The following PTGS2 variants were observed in gnomAD, a reference collection of about 807,000 sequenced individuals.
PTGS2 encodes prostaglandin G/H synthase 2.
PTGS2 carries 14 observed loss-of-function variants against 63.8 expected under a neutral mutation model. The ratio of observed to expected loss-of-function variants is 0.22; its 90% CI spans 0.14 to 0.34. The LOEUF (loss-of-function observed/expected upper bound fraction) is 0.34, where lower values mean the gene tolerates loss of function less well. PTGS2 is among the 10% of genes least tolerant of loss of function. The pLI is 1.00. For synonymous variants in PTGS2, 271 were observed against 259.5 expected (o/e 1.04, Z -0.43); for missense variants, 533 against 738.5 (o/e 0.72, Z 3.23).
At chr1:186,676,205 A>T in intron 7 of PTGS2, 21 bp from the exon 8 acceptor site, 7 of 1,561,464 alleles carry the variant, frequency 4.5e-6, no homozygotes, top group Non-Finnish European at 4.3e-6. Flanking sequence ...AAAATAAATA[A>T]TAAAAACATT....
In PTGS2 at chr1:186,672,872, G is replaced by A. The variant is rs1665713402; in HGVS notation, c.*1481C>T. Reference sequence around the variant, plus strand: ...TCTCTGCTTTTCACTTAAAATAAGTGTATACTATTTTTAAAAGGGCCTTTT... The same window carrying A: ...TCTCTGCTTTTCACTTAAAATAAGTATATACTATTTTTAAAAGGGCCTTTT... On this transcript the variant is annotated 3_prime_UTR_variant, in exon 10 of 10. Coordinates refer to ENST00000367468, the MANE Select transcript of PTGS2 (RefSeq NM_000963.4). The A allele has an allele frequency of 6.6e-6, 1 of 152,054 alleles. No homozygotes were observed. Among genetic ancestry groups the A allele is most frequent in the Non-Finnish European group, 1.5e-5 (1 of 67,970 alleles). The allele number at this position is 152,054 out of a possible 1,614,324, so 9.4% of individuals were successfully genotyped here.
Position 186,672,354 on chromosome 1 carries a change from A to G in PTGS2, c.*1999T>C, listed in dbSNP as rs935728324. On this transcript the variant is annotated 3_prime_UTR_variant, in exon 10 of 10. Coordinates refer to ENST00000367468, the MANE Select transcript of PTGS2 (RefSeq NM_000963.4). ...GACAATATTCTTTGTGGGCTAGCAC[A>G]TAGGCCTATCCTAAGGACAAACATT... 2.0e-5 allele frequency: 3 copies of G among 152,162 alleles called. No homozygotes were observed. Among genetic ancestry groups the G allele is most frequent in the Non-Finnish European group, 4.4e-5 (3 of 67,972 alleles). 9.4% of individuals were successfully genotyped at this position (152,162 alleles called of 1,614,324 possible).
intron 5 of PTGS2, 82 bp downstream of exon 5, chr1:186,677,567 A>C (rs1665802685): frequency 7.7e-7 from 1 of 1,293,120 alleles, no homozygotes; most frequent in Non-Finnish European, 1.0e-6. Context: ...GGATCTATCT[A>C]TCTGTATATC....
chr1:186,676,470 T>A lies in PTGS2; in HGVS notation c.967A>T (p.Ile323Leu), dbSNP rs781689400. The A allele has an allele frequency of 6.2e-7, 1 of 1,612,784 alleles. No homozygotes were observed. Among genetic ancestry groups the A allele is most frequent in the South Asian group, 1.1e-5 (1 of 90,876 alleles). Residue 323 changes from isoleucine to leucine, a missense_variant, in exon 7 of 10, where the codon ATA (isoleucine) becomes TTA (leucine). Coordinates refer to ENST00000367468, the MANE Select transcript of PTGS2 (RefSeq NM_000963.4). ...QLFQTSRLIL[I>L]GETIKIVIED... Reference sequence around the variant, plus strand: ...TATAAATCATTTTCTTGTTTACCTATCAGTATTAGCCTGCTTGTCTGGAAC... The same window carrying A: ...TATAAATCATTTTCTTGTTTACCTAACAGTATTAGCCTGCTTGTCTGGAAC...
intron 1 of PTGS2, 24 bp downstream of exon 1, chr1:186,680,215 C>A (rs200797850): frequency 5.8e-6 from 9 of 1,549,478 alleles, no homozygotes; most frequent in Non-Finnish European, 7.8e-6. Context: ...CCGGAGTCCC[C>A]GGTGCGCGGC....
chr1:186,678,442 C>T (rs1665820192), intron 3 of PTGS2, 38 bp from the exon 4 acceptor site: 3 of 1,524,928 alleles, frequency 2.0e-6, no homozygotes, highest in African/African-American at 1.4e-5. Flanking sequence ...TATTTATTCT[C>T]ATTTGTTAAG....
chr1:186,675,662 AC>A lies in PTGS2; in HGVS notation c.1257+235del, dbSNP rs4648277. On this transcript the variant is annotated intron_variant, in intron 8 of 9. Transcript: ENST00000367468. Reference sequence around the variant, plus strand: ...TATTTATTCCTATAAGATTATAGATACTTTTTGAAAATATTTTTAAGGTAGG... The same window carrying A: ...TATTTATTCCTATAAGATTATAGATATTTTTGAAAATATTTTTAAGGTAGG... 379 of 609,794 alleles carry A rather than the reference AC, an allele frequency of 6.2e-4. 4 individuals carry two copies. The East Asian group carries it at 0.011, about 17-fold the overall frequency. The allele number at this position is 609,794 out of a possible 1,614,324, so 37.8% of individuals were successfully genotyped here.
chr1:186,676,788 G>T (rs1455447021), intron 6 of PTGS2, 45 bp downstream of exon 6: 1 of 1,600,486 alleles, frequency 6.2e-7, no homozygotes, highest in Middle Eastern at 1.8e-4. Flanking sequence ...TAAAATATGG[G>T]TATAAGCGGT....
In PTGS2 at chr1:186,676,673, G is replaced by A. The variant is rs1379502755; in HGVS notation, c.764C>T (p.Thr255Ile). ...GEMYPPTVKD[T>I]QAEMIYPPQV... Reference sequence around the variant, plus strand: ...AGGAGGGTAGATCATCTCTGCCTGAGTATCTTTGACTGTGGGAGGATACAT... The same window carrying A: ...AGGAGGGTAGATCATCTCTGCCTGAATATCTTTGACTGTGGGAGGATACAT... Residue 255 changes from threonine to isoleucine, a missense_variant, in exon 7 of 10, where the codon ACT becomes ATT. Physicochemically the swap from Thr to Ile is moderately conservative, Grantham distance 89. Coordinates refer to ENST00000367468, the MANE Select transcript of PTGS2 (RefSeq NM_000963.4). The A allele has an allele frequency of 1.2e-6, 2 of 1,613,922 alleles. No individual in the cohort carries two copies. Among genetic ancestry groups the A allele is most frequent in the East Asian group, 2.2e-5 (1 of 44,876 alleles).
intron 5 of PTGS2, among the ~76,000 whole-genome samples, chr1:186,677,279 G>A (rs891858738): frequency 1.3e-5 from 2 of 152,072 alleles, no homozygotes; most frequent in African/African-American, 2.4e-5. Context: ...TAATAATGCG[G>A]CAAAAACCTC....
chr1:186,678,453 T>A (rs201084591), intron 3 of PTGS2, 49 bp from the exon 4 acceptor site: 1 of 1,481,468 alleles, frequency 6.8e-7, no homozygotes, highest in Non-Finnish European at 9.1e-7. Context: ...ATTTGTTAAG[T>A]AAATCAACCA....
intron 4 of PTGS2, 73 bp from the exon 5 acceptor site, chr1:186,677,903 C>T: frequency 7.2e-7 from 1 of 1,391,682 alleles, no homozygotes. Context: ...GTCAATCTAC[C>T]AAGAATTCTT....
intron 1 of PTGS2, among the ~76,000 whole-genome samples, chr1:186,679,985 A>C (rs1665848199): frequency 2.0e-5 from 3 of 152,238 alleles, no homozygotes; most frequent in Non-Finnish European, 4.4e-5. Context: ...AATTAGTATC[A>C]TCTATCCCTA....
In PTGS2 at chr1:186,679,128, G is replaced by T. The variant is rs1229416920; in HGVS notation, c.243C>A (p.Phe81Leu). Residue 81 changes from phenylalanine to leucine, a missense_variant, in exon 3 of 10, where the codon TTC becomes TTA. Transcript: ENST00000367468. ...TATTCACAACGTTCCAAAATCCCTT[G>T]AAGTGGGTAAGTATGTAGTGCACTG... ...PNTVHYILTH[F>L]KGFWNVVNNI... is the part of the protein sequence containing the mutation. 1 of 1,614,148 alleles carries T rather than the reference G, an allele frequency of 6.2e-7. No individual in the cohort carries two copies. Among genetic ancestry groups the T allele is most frequent in the Non-Finnish European group, 8.5e-7 (1 of 1,180,012 alleles).
chr1:186,675,823 A>G, intron 8 of PTGS2, 75 bp downstream of exon 8: 1 of 1,405,436 alleles, frequency 7.1e-7, no homozygotes, highest in South Asian at 1.4e-5. Context: ...TAAGTTTAAG[A>G]AAAATAATTT....
chr1:186,675,486 C>A, intron 8 of PTGS2, 90 bp from the exon 9 acceptor site: 1 of 1,423,744 alleles, frequency 7.0e-7, no homozygotes, highest in South Asian at 1.3e-5. Flanking sequence ...TCAGGTAAAA[C>A]TGAAACTCCC....
chr1:186,674,507 A>G lies in PTGS2; in HGVS notation c.1661T>C (p.Ile554Thr). 8 of 1,614,216 alleles carry G rather than the reference A, an allele frequency of 5.0e-6. No homozygotes were observed. The highest frequency in any genetic ancestry group is 6.8e-6 in the Non-Finnish European group (8 of 1,180,046). ...GGGACAGCCCTTCACGTTATTGCAG[A>G]TGAGAGACTGAATTGAGGCAGTGTT... ...IINTASIQSL[I>T]CNNVKGCPFT... The change falls in exon 10 of 10, where the codon ATC becomes ACC. Residue 554 changes from isoleucine to threonine, a missense_variant. By Grantham distance (89) the Ile-to-Thr change is moderately conservative (BLOSUM62 -1). This residue lies in a region of PTGS2 where 219 missense variants were observed against 267.4 expected (regional missense o/e 0.82). Coordinates refer to ENST00000367468, the MANE Select transcript of PTGS2 (RefSeq NM_000963.4).
intron 7 of PTGS2, 114 bp from the exon 8 acceptor site, chr1:186,676,298 G>A: frequency 7.3e-7 from 1 of 1,371,220 alleles, no homozygotes; most frequent in Non-Finnish European, 9.9e-7. Context: ...TTTCTTCCTT[G>A]TCAGTATCAA....
At chr1:186,675,115 T>G in intron 9 of PTGS2, 134 bp downstream of exon 9, 1 of 1,129,574 alleles carries the variant, frequency 8.9e-7, no homozygotes, top group Non-Finnish European at 1.3e-6. Flanking sequence ...AGGCGGAGGT[T>G]GCAGTGAGCC....
Sources: gnomAD v4.1 joint callset for allele counts (sites outside exome capture counted in the v4.1 genomes callset) on GRCh38, gnomAD v4.1.1 for gene constraint, gnomAD v4.1.1 regional missense constraint, MANE v1.5 for transcripts, NCBI Gene and HGNC (gene_info 2026-07-23, HGNC 2026-07-21) for gene names.